The following RORB variants were observed in gnomAD, a reference collection of about 807,000 sequenced individuals.
RORB encodes the protein nuclear receptor ROR-beta.
Under a neutral mutation model 59.1 loss-of-function variants are expected in RORB, and 6 were observed. The ratio of observed to expected loss-of-function variants is 0.10; its 90% CI spans 0.06 to 0.20. The LOEUF (loss-of-function observed/expected upper bound fraction) is 0.20, where lower values mean the gene tolerates loss of function less well. Among genes scored for constraint, RORB ranks in the 10% least tolerant of loss-of-function variants. RORB has a pLI of 1.00. For synonymous variants in RORB, 215 were observed against 204.5 expected (o/e 1.05, Z -0.44); for missense variants, 320 against 560.5 (o/e 0.57, Z 4.33).
chr9:74,538,650 A>G (rs1023945405), intron 1 of RORB, among the ~76,000 whole-genome samples: 1 of 151,550 alleles, frequency 6.6e-6, no homozygotes, highest in Non-Finnish European at 1.5e-5. Context: ...TTATTTATAT[A>G]TGTGCATGTA....
chr9:74,579,244 A>T (rs1587367848), intron 1 of RORB, among the ~76,000 whole-genome samples: 1 of 152,160 alleles, frequency 6.6e-6, no homozygotes, highest in East Asian at 1.9e-4. Context: ...AACTAAATAG[A>T]TATTAAGTGC....
At chr9:74,671,957 A>G (rs929961744) in intron 9 of RORB, 56 bp downstream of exon 9, 1 of 969,608 alleles carries the variant, frequency 1.0e-6, no homozygotes, top group Non-Finnish European at 1.6e-6. Flanking sequence ...GTGAGCAAAA[A>G]GGACTGCTTA....
At chr9:74,499,186 T>G (rs905777527) in intron 1 of RORB, 9 of 152,396 alleles carry the variant, frequency 5.9e-5, no homozygotes, top group African/African-American at 1.9e-4. Flanking sequence ...AACAGAAAGT[T>G]AGTAACGGCC....
chr9:74,639,671 T>G (rs929466454), intron 3 of RORB, among the ~76,000 whole-genome samples: 5 of 152,174 alleles, frequency 3.3e-5, no homozygotes, highest in African/African-American at 4.8e-5. Flanking sequence ...TCTTGATCTA[T>G]AGCAATGGAT....
intron 1 of RORB, among the ~76,000 whole-genome samples, chr9:74,569,345 G>A (rs1257899489): frequency 6.6e-6 from 1 of 151,812 alleles, no homozygotes; most frequent in South Asian, 2.1e-4. Context: ...AAAGACATTG[G>A]GAATGTAAAT....
chr9:74,527,529 G>A (rs1826174622), intron 1 of RORB, among the ~76,000 whole-genome samples: 1 of 151,958 alleles, frequency 6.6e-6, no homozygotes, highest in African/African-American at 2.4e-5. Flanking sequence ...CTGTCAAAAG[G>A]ATGCATTGCA....
chr9:74,661,433 C>A (rs1025608803), intron 5 of RORB, among the ~76,000 whole-genome samples: 1 of 152,026 alleles, frequency 6.6e-6, no homozygotes, highest in Non-Finnish European at 1.5e-5. Flanking sequence ...ACCAGAACAA[C>A]TAAATCTCAG....
At chr9:74,596,110 A>G (rs1448517328) in intron 1 of RORB, among the ~76,000 whole-genome samples, 1 of 152,172 alleles carries the variant, frequency 6.6e-6, no homozygotes, top group Non-Finnish European at 1.5e-5. Context: ...GAGCTGTAGC[A>G]CTGAGGGCTT....
chr9:74,536,427 A>G (rs1441082095), intron 1 of RORB, among the ~76,000 whole-genome samples: 1 of 152,044 alleles, frequency 6.6e-6, no homozygotes, highest in African/African-American at 2.4e-5. Context: ...GATCCTTTCT[A>G]TGTTAACTAG....
At position 74,585,568 on chromosome 9, in the gene RORB, C is replaced by T. The variant is rs2118269181; in HGVS notation, c.8-44714C>T. On this transcript the variant is annotated intron_variant, in intron 1 of 9. Coordinates refer to ENST00000376896, the MANE Select transcript of RORB (RefSeq NM_006914.4). ...TCTGAATTCTGTGTTAGACAGAAGG[C>T]AGCTGATAGCTATAGTCTACCTTTT... Among the ~76,000 whole-genome samples, 3 of 152,262 alleles carry T rather than the reference C, an allele frequency of 2.0e-5. 1 individual carries two copies. The highest frequency in any genetic ancestry group is 3.4e-3 in the Middle Eastern group (1 of 294).
intron 1 of RORB, among the ~76,000 whole-genome samples, chr9:74,581,684 A>C (rs544008162): frequency 6.6e-6 from 1 of 152,296 alleles, no homozygotes; most frequent in African/African-American, 2.4e-5. Flanking sequence ...GGAGATCTGC[A>C]TCACTCTATT....
intron 1 of RORB, among the ~76,000 whole-genome samples, chr9:74,566,792 T>C (rs188730704): frequency 1.3e-5 from 2 of 152,060 alleles, no homozygotes; most frequent in African/African-American, 4.8e-5. Context: ...CGAGATTCCA[T>C]CTCAAAAAAA....
In RORB at chr9:74,688,058, T is replaced by C. The variant is rs1824675346; in HGVS notation, c.*2440T>C. On this transcript the variant is annotated 3_prime_UTR_variant, in exon 10 of 10. Transcript: ENST00000376896. The stretch of plus-strand genomic sequence containing the variant: ...ATTGATGAAGTGGCTCAGAATTTTT[T>C]CCTCCCTTTTCCCATGGGTGATATA... The C allele has an allele frequency of 6.6e-6, 1 of 152,214 alleles. No individual in the cohort carries two copies. The highest frequency in any genetic ancestry group is 6.5e-5 in the Admixed American group (1 of 15,278). 9.4% of individuals were successfully genotyped at this position (152,214 alleles called of 1,614,324 possible).
At chr9:74,591,992 T>C (rs143961745) in intron 1 of RORB, among the ~76,000 whole-genome samples, 2 of 152,296 alleles carry the variant, frequency 1.3e-5, no homozygotes, top group African/African-American at 4.8e-5. Context: ...TTGCTTGTTT[T>C]GACAATGTGC....
chr9:74,617,192 G>A lies in RORB; in HGVS notation c.8-13090G>A, dbSNP rs1587387275. Among the ~76,000 whole-genome samples the A allele has an allele frequency of 2.0e-5, 3 of 150,928 alleles. No homozygotes were observed. In the East Asian group the frequency reaches 5.9e-4, roughly 30 times the overall value. On this transcript the variant is annotated intron_variant, in intron 1 of 9. Transcript: ENST00000376896. ...TCAATTTACATGGTAGCATCAAAATGCCTTTGCTACAAATTAACGTATAAG... is the reference window on the plus strand; with the variant it reads ...TCAATTTACATGGTAGCATCAAAATACCTTTGCTACAAATTAACGTATAAG...
chr9:74,560,832 C>G (rs1822386558), intron 1 of RORB, among the ~76,000 whole-genome samples: 1 of 152,124 alleles, frequency 6.6e-6, no homozygotes, highest in Non-Finnish European at 1.5e-5. Context: ...TTCTTTCCTA[C>G]AACGACGTGG....
At chr9:74,519,049 G>T (rs1826049272) in intron 1 of RORB, among the ~76,000 whole-genome samples, 1 of 151,872 alleles carries the variant, frequency 6.6e-6, no homozygotes, top group African/African-American at 2.4e-5. Flanking sequence ...ATTTTACAGA[G>T]AAATTCAGCC....
intron 1 of RORB, among the ~76,000 whole-genome samples, chr9:74,613,257 A>G (rs907169141): frequency 7.9e-5 from 12 of 152,224 alleles, no homozygotes; most frequent in African/African-American, 2.7e-4. Context: ...ATCTGATTTC[A>G]GACATGAGTA....
intron 1 of RORB, among the ~76,000 whole-genome samples, chr9:74,547,162 G>A (rs1310904022): frequency 6.6e-6 from 1 of 152,100 alleles, no homozygotes; most frequent in Non-Finnish European, 1.5e-5. Context: ...TATGTGTGTA[G>A]GTTGCTGGAG....
Sources: gnomAD v4.1 joint callset for allele counts (sites outside exome capture counted in the v4.1 genomes callset) on GRCh38, gnomAD v4.1.1 for gene constraint, MANE v1.5 for transcripts, NCBI Gene and HGNC (gene_info 2026-07-23, HGNC 2026-07-21) for gene names.